AGAP3: variants seen among roughly 807,000 people sequenced by gnomAD.
AGAP3 encodes ArfGAP with GTPase domain, ankyrin repeat and PH domain 3.
A neutral mutation model predicts 96.9 loss-of-function variants in AGAP3; 24 were observed. The observed-to-expected ratio is 0.25, with a 90% CI of 0.18 to 0.35. AGAP3 has a LOEUF of 0.35. Ranked by LOEUF, AGAP3 falls within the 10% of genes least tolerant of loss-of-function variation. The probability of loss-of-function intolerance (pLI) is 1.00; values close to 1 mark genes in which losing one functional copy is unlikely to be tolerated. For missense variants in AGAP3, 876 were observed against 1,254.2 expected (o/e 0.70, Z 4.55); for synonymous variants, 563 against 536.1 (o/e 1.05, Z -0.69).
At chr7:151,112,032 A>C (rs1301536739) in intron 1 of AGAP3, among the ~76,000 whole-genome samples, 1 of 152,170 alleles carries the variant, frequency 6.6e-6, no homozygotes, top group Non-Finnish European at 1.5e-5. Context: ...TTGGAGCAGA[A>C]TCTTATCAGG....
At chr7:151,104,761 G>T (rs975537203) in intron 1 of AGAP3, among the ~76,000 whole-genome samples, 1 of 152,250 alleles carries the variant, frequency 6.6e-6, no homozygotes, top group African/African-American at 2.4e-5. Context: ...CATGCCTCGG[G>T]AAGAACACAC....
At chr7:151,104,052 C>T (rs1048340735) in intron 1 of AGAP3, among the ~76,000 whole-genome samples, 1 of 152,142 alleles carries the variant, frequency 6.6e-6, no homozygotes, top group African/African-American at 2.4e-5. Flanking sequence ...TCATTTCCTC[C>T]CTCTGTAATT....
rs1404574960 is a variant in AGAP3, at chr7:151,133,849, C to A, written c.1327-551C>A. Among the ~76,000 whole-genome samples the A allele has an allele frequency of 6.6e-6, 1 of 152,198 alleles. No individual in the cohort carries two copies. The highest frequency in any genetic ancestry group is 1.5e-5 in the Non-Finnish European group (1 of 68,022). ...GAATTGGTGGTACCTGTGAGAGCAC[C>A]TGTTGCTGTATTCCAAAGTCCAGCA... On this transcript the variant is annotated intron_variant, in intron 10 of 17. Transcript: ENST00000397238. The surrounding 1 kb of genome is among the most constrained non-coding windows in gnomAD (Gnocchi z 5.4).
At position 151,144,031 on chromosome 7, in the gene AGAP3, T is replaced by C; in HGVS notation, c.*88T>C. On this transcript the variant is annotated 3_prime_UTR_variant, in exon 18 of 18. Coordinates refer to ENST00000397238, the MANE Select transcript of AGAP3 (RefSeq NM_031946.7). ...GGCACTGTGGGAACAGACACAGAGA[T>C]GGAGAAGCAGGGACATGCTGAGAGG... The C allele has an allele frequency of 7.2e-7, 1 of 1,379,752 alleles. No individual in the cohort carries two copies. Among genetic ancestry groups the C allele is most frequent in the Non-Finnish European group, 1.0e-6 (1 of 999,114 alleles). 85.5% of individuals were successfully genotyped at this position (1,379,752 alleles called of 1,614,324 possible).
chr7:151,089,348 C>G (rs1271109469), intron 1 of AGAP3, among the ~76,000 whole-genome samples: 1 of 152,162 alleles, frequency 6.6e-6, no homozygotes, highest in Admixed American at 6.5e-5. Flanking sequence ...GGACTGAGAC[C>G]CAGCCCTCCA....
intron 1 of AGAP3, among the ~76,000 whole-genome samples, chr7:151,102,295 T>G (rs779345905): frequency 2.6e-5 from 4 of 152,186 alleles, no homozygotes; most frequent in Non-Finnish European, 5.9e-5. Flanking sequence ...ACCGCAGTAG[T>G]GCTTTTATTA....
chr7:151,121,340 G>A (rs752463391), intron 8 of AGAP3, among the ~76,000 whole-genome samples: 1 of 151,158 alleles, frequency 6.6e-6, no homozygotes, highest in East Asian at 1.9e-4. Context: ...ACATTAGAGC[G>A]TGGGGGGGGC....
intron 8 of AGAP3, chr7:151,122,862 C>T: frequency 6.3e-7 from 1 of 1,599,998 alleles, no homozygotes; most frequent in Non-Finnish European, 8.5e-7. Context: ...GGCCCTGGGA[C>T]TGCTCTCAGA....
chr7:151,128,000 G>A (rs6970983), intron 9 of AGAP3, among the ~76,000 whole-genome samples: 112,452 of 152,036 alleles, frequency 0.74, 41,707 homozygotes, highest in Admixed American at 0.79. Context: ...TGGCTTACGC[G>A]GGAAGTGTGG....
At chr7:151,127,267 C>G (rs1309712094) in intron 9 of AGAP3, among the ~76,000 whole-genome samples, 1 of 152,206 alleles carries the variant, frequency 6.6e-6, no homozygotes, top group East Asian at 1.9e-4. Context: ...GCCTGCATCT[C>G]TTAGTCCCTG....
chr7:151,111,385 C>T (rs976208976), intron 1 of AGAP3, among the ~76,000 whole-genome samples: 2 of 152,210 alleles, frequency 1.3e-5, no homozygotes, highest in Non-Finnish European at 2.9e-5. Flanking sequence ...CTCATCTCCT[C>T]GAAAGAAATC....
Position 151,128,657 on chromosome 7 carries a change from G to T in AGAP3, c.1299G>T (p.Gly433=). The T allele has an allele frequency of 1.2e-6, 2 of 1,613,836 alleles. No individual in the cohort carries two copies. The highest frequency in any genetic ancestry group is 1.7e-6 in the Non-Finnish European group (2 of 1,179,926). The change falls in exon 10 of 18, where the codon GGG becomes GGT. Residue 433 remains glycine, a synonymous_variant. Transcript: ENST00000397238. The part of the protein sequence containing the change: ...KKKYVTLCDN[G]LLTYHPSLHD... ...AGTATGTGACGCTCTGTGACAACGG[G>T]CTGCTCACCTATCACCCCAGCCTGC...
intron 9 of AGAP3, among the ~76,000 whole-genome samples, chr7:151,124,408 G>T (rs55816533): frequency 3.3e-4 from 51 of 152,240 alleles, no homozygotes; most frequent in African/African-American, 1.1e-3. Context: ...CCACACCTCC[G>T]GTCTTGGATT....
chr7:151,124,650 G>A (rs995171111), intron 9 of AGAP3, among the ~76,000 whole-genome samples: 7 of 152,210 alleles, frequency 4.6e-5, no homozygotes, highest in African/African-American at 1.2e-4. Context: ...GGAGGCTCAC[G>A]TGGCCAGAGC....
intron 1 of AGAP3, 147 bp from the exon 2 acceptor site, chr7:151,116,646 T>C (rs558776775): frequency 1.2e-6 from 1 of 800,874 alleles, no homozygotes; most frequent in Non-Finnish European, 2.1e-6. Context: ...CCTGGGGAAC[T>C]AGGGGTGAGG....
intron 8 of AGAP3, chr7:151,123,108 G>C (rs1367792322): frequency 2.6e-6 from 3 of 1,138,716 alleles, no homozygotes; most frequent in Non-Finnish European, 3.2e-6. Flanking sequence ...GCCCGGCCCG[G>C]CTGCTCCTGG....
At chr7:151,127,619 C>T (rs1054855844) in intron 9 of AGAP3, among the ~76,000 whole-genome samples, 15 of 152,182 alleles carry the variant, frequency 9.9e-5, no homozygotes, top group Admixed American at 5.2e-4. Flanking sequence ...TGGTCTCCAT[C>T]GTGGCGCTCC....
chr7:151,130,425 C>T (rs1008976620), intron 10 of AGAP3, among the ~76,000 whole-genome samples: 1 of 152,158 alleles, frequency 6.6e-6, no homozygotes, highest in African/African-American at 2.4e-5. Context: ...GGACCCATGA[C>T]TTTGGCTCTG....
chr7:151,123,220 G>T (rs1799998935), intron 8 of AGAP3: 1 of 1,074,142 alleles, frequency 9.3e-7, no homozygotes. Context: ...CGCTTGCCTT[G>T]CCCCCTCTTT....
Sources: gnomAD v4.1 joint callset for allele counts (sites outside exome capture counted in the v4.1 genomes callset) on GRCh38, gnomAD v4.1.1 for gene constraint, Gnocchi (gnomAD v3.1) non-coding constraint, MANE v1.5 for transcripts, NCBI Gene and HGNC (gene_info 2026-07-23, HGNC 2026-07-21) for gene names.